The following ZBTB2 variants were observed in gnomAD, a reference collection of about 807,000 sequenced individuals.
ZBTB2 encodes zinc finger and BTB domain containing 2, also known as zinc finger and BTB domain-containing protein 2.
In ZBTB2, 2 loss-of-function variants were observed where a neutral mutation model predicts 39.5. That is an observed-to-expected ratio of 0.05 (90% CI 0.02 to 0.16). The LOEUF is 0.16. Ranked by LOEUF, ZBTB2 falls within the 10% of genes least tolerant of loss-of-function variation. ZBTB2 has a pLI of 1.00. For missense variants in ZBTB2, 391 were observed against 653.0 expected, an observed-to-expected ratio of 0.60 and a Z score of 4.37; for synonymous variants, 251 against 256.6, an observed-to-expected ratio of 0.98 and a Z score of 0.21.
chr6:151,389,744 A>G (rs909882375), intron 1 of ZBTB2, among the ~76,000 whole-genome samples: 1 of 152,112 alleles, frequency 6.6e-6, no homozygotes, highest in South Asian at 2.1e-4. Flanking sequence ...TCCCCAAGGC[A>G]TAATTAGGAG....
chr6:151,377,242 A>T (rs2114867391), intron 1 of ZBTB2, among the ~76,000 whole-genome samples: 1 of 152,248 alleles, frequency 6.6e-6, no homozygotes, highest in East Asian at 1.9e-4. Context: ...TGCATGTCAA[A>T]ATCCCAGCTG....
At chr6:151,381,383 T>C (rs1241596366) in intron 1 of ZBTB2, among the ~76,000 whole-genome samples, 1 of 151,978 alleles carries the variant, frequency 6.6e-6, no homozygotes, top group Non-Finnish European at 1.5e-5. Flanking sequence ...TAGCCTGGCA[T>C]GGTGGCGAGT....
In ZBTB2 at chr6:151,365,480, T is replaced by A; in HGVS notation, c.*41A>T. The A allele has an allele frequency of 6.4e-7, 1 of 1,557,368 alleles. No individual in the cohort carries two copies. On this transcript the variant is annotated 3_prime_UTR_variant, in exon 3 of 3. Transcript: ENST00000325144. This position sits in a 1 kb window ranked among gnomAD's most constrained non-coding sequence, Gnocchi z 5.6. The stretch of plus-strand genomic sequence containing the variant: ...AATTCAGGGAAGGGAGGGAAGATAG[T>A]CTTTGTAAAAATGAGAGTTTTTTAA...
chr6:151,381,932 C>G (rs1051166461), intron 1 of ZBTB2, among the ~76,000 whole-genome samples: 1 of 152,196 alleles, frequency 6.6e-6, no homozygotes, highest in Admixed American at 6.5e-5. Flanking sequence ...AACAGAGATA[C>G]GTTCTGAGAA....
chr6:151,388,622 C>T (rs999241786), intron 1 of ZBTB2, among the ~76,000 whole-genome samples: 2 of 152,168 alleles, frequency 1.3e-5, no homozygotes, highest in African/African-American at 4.8e-5. Context: ...CAGCCTTGGC[C>T]TCCCAAAGTG....
At chr6:151,367,199 C>A (rs970782950) in intron 2 of ZBTB2, among the ~76,000 whole-genome samples, 1 of 151,928 alleles carries the variant, frequency 6.6e-6, no homozygotes, top group Non-Finnish European at 1.5e-5. Flanking sequence ...CGGCTCACTG[C>A]AAGCTCCGCC....
At chr6:151,373,007 T>G (rs972547842) in intron 2 of ZBTB2, among the ~76,000 whole-genome samples, 1 of 151,242 alleles carries the variant, frequency 6.6e-6, no homozygotes, top group Non-Finnish European at 1.5e-5. Flanking sequence ...ACAAAAATAT[T>G]AGCCGGGCGT....
At chr6:151,388,593 T>C (rs540018467) in intron 1 of ZBTB2, among the ~76,000 whole-genome samples, 127 of 152,334 alleles carry the variant, frequency 8.3e-4, no homozygotes, top group Middle Eastern at 3.4e-3. Context: ...TTTTGAACTC[T>C]TGGCTTCAAG....
chr6:151,380,669 C>T (rs573838528), intron 1 of ZBTB2, among the ~76,000 whole-genome samples: 27 of 152,188 alleles, frequency 1.8e-4, no homozygotes, highest in Non-Finnish European at 3.2e-4. Flanking sequence ...CTCTTCCTCC[C>T]GCTCTGATAA....
intron 1 of ZBTB2, among the ~76,000 whole-genome samples, chr6:151,378,347 T>C (rs1053049287): frequency 2.0e-5 from 3 of 152,196 alleles, no homozygotes; most frequent in African/African-American, 7.2e-5. Context: ...CATTTGGGTA[T>C]AAAGACCTAG....
At chr6:151,367,074 G>A (rs1778667018) in intron 2 of ZBTB2, among the ~76,000 whole-genome samples, 182 bp from the exon 3 acceptor site, 1 of 151,772 alleles carries the variant, frequency 6.6e-6, no homozygotes, top group African/African-American at 2.4e-5. Flanking sequence ...AAAGAAATGT[G>A]ATATCTTAAT....
intron 1 of ZBTB2, among the ~76,000 whole-genome samples, chr6:151,387,811 T>C (rs1054700746): frequency 3.9e-5 from 6 of 152,174 alleles, no homozygotes; most frequent in Non-Finnish European, 7.3e-5. Context: ...TGAGCATAAA[T>C]ATGAGCCTCC....
chr6:151,373,866 A>AC (rs1377423487), intron 1 of ZBTB2, among the ~76,000 whole-genome samples: 15 of 134,060 alleles, frequency 1.1e-4, no homozygotes, highest in African/African-American at 1.5e-4. Flanking sequence ...AAAAAAAAAA[A>AC]AAAAAAAAAA....
At chr6:151,377,038 A>C (rs1302623222) in intron 1 of ZBTB2, among the ~76,000 whole-genome samples, 1 of 152,206 alleles carries the variant, frequency 6.6e-6, no homozygotes, top group Non-Finnish European at 1.5e-5. Flanking sequence ...GATAACGTAC[A>C]ACAACTTGGG....
intron 1 of ZBTB2, among the ~76,000 whole-genome samples, chr6:151,381,029 T>C (rs2114873120): frequency 6.6e-6 from 1 of 152,208 alleles, no homozygotes; most frequent in African/African-American, 2.4e-5. Flanking sequence ...GAAATCTCAA[T>C]TCATCCTCAG....
Position 151,373,558 on chromosome 6 carries a change from G to A in ZBTB2, c.80C>T (p.Thr27Met), listed in dbSNP as rs1778832333. ...QREFGFLCDC[T>M]VAIGDVYFKA... The stretch of plus-strand genomic sequence containing the variant: ...GAAGTATACATCGCCGATTGCAACC[G>A]TGCAGTCACACAGGAAACCAAACTC... The change falls in exon 2 of 3, where the codon ACG (threonine) becomes ATG (methionine). Residue 27 changes from threonine to methionine, a missense_variant. By Grantham distance (81) the Thr-to-Met change is moderately conservative. Transcript: ENST00000325144. The A allele has an allele frequency of 6.2e-7, 1 of 1,614,108 alleles. No individual in the cohort carries two copies. The highest frequency in any genetic ancestry group is 8.5e-7 in the Non-Finnish European group (1 of 1,180,020).
At chr6:151,376,180 T>C (rs1289311540) in intron 1 of ZBTB2, among the ~76,000 whole-genome samples, 1 of 152,292 alleles carries the variant, frequency 6.6e-6, no homozygotes, top group Non-Finnish European at 1.5e-5. Context: ...TCATACTTTA[T>C]ATAAAAATCA....
chr6:151,382,512 CCCAAAGTGCTGGGATTACAGGCATGAG>C lies in ZBTB2; in HGVS notation c.-13+8881_-12-8864del, dbSNP rs1423805181. ...TCAGATGATCCACCCGCCTCGGCCT[CCCAAAGTGCTGGGATTACAGGCATGAG>C]CCACTGCGCCTGGTCTTTTTTTTTT... On this transcript the variant is annotated intron_variant, in intron 1 of 2. Transcript: ENST00000325144. Among the ~76,000 whole-genome samples, 273 of 149,974 alleles carry C rather than the reference CCCAAAGTGCTGGGATTACAGGCATGAG, an allele frequency of 1.8e-3. 1 individual carries two copies. The highest frequency in any genetic ancestry group is 5.9e-3 in the African/African-American group (242 of 40,708).
intron 1 of ZBTB2, among the ~76,000 whole-genome samples, chr6:151,390,289 C>T (rs1300676659): frequency 6.8e-6 from 1 of 147,222 alleles, no homozygotes; most frequent in African/African-American, 2.5e-5. Context: ...CGCCCCGGGG[C>T]GGGGCCGGGG....
Sources: allele counts gnomAD v4.1 joint callset (sites outside exome capture counted in the v4.1 genomes callset), GRCh38; gene constraint gnomAD v4.1.1; non-coding constraint Gnocchi (gnomAD v3.1); transcripts MANE v1.5; gene names NCBI Gene and HGNC (gene_info 2026-07-23, HGNC 2026-07-21).